ZDHHC7: variants seen among roughly 807,000 people sequenced by gnomAD.
ZDHHC7 encodes the protein zDHHC palmitoyltransferase 7.
In ZDHHC7, 12 loss-of-function variants were observed where a neutral mutation model predicts 34.1. The ratio of observed to expected loss-of-function variants is 0.35; its 90% confidence interval spans 0.23 to 0.57. The LOEUF is 0.57. Among genes scored for constraint, ZDHHC7 ranks in the 20% least tolerant of loss-of-function variants. The pLI, the probability that ZDHHC7 is intolerant of heterozygous loss-of-function variation, is 0.84. For missense variants in ZDHHC7, 388 were observed against 402.7 expected, an observed-to-expected ratio of 0.96 and a Z score of 0.31; for synonymous variants, 185 against 155.4, an observed-to-expected ratio of 1.19 and a Z score of -1.42.
chr16:84,981,355 C>A (rs909081667), intron 4 of ZDHHC7, among the ~76,000 whole-genome samples: 5 of 152,118 alleles, frequency 3.3e-5, no homozygotes, highest in Admixed American at 2.0e-4. Context: ...AACAAAACAA[C>A]AAAAAAATGA....
At chr16:85,023,327 G>A in the ZDHHC7 span, among the ~76,000 whole-genome samples, 2 of 151,988 alleles carry the variant, frequency 1.3e-5, no homozygotes, top group Non-Finnish European at 2.9e-5. Flanking sequence ...ACCATGCCTG[G>A]CTAATTTTCG....
the ZDHHC7 span, among the ~76,000 whole-genome samples, chr16:85,019,002 G>A: frequency 6.6e-6 from 1 of 152,174 alleles, no homozygotes; most frequent in Non-Finnish European, 1.5e-5. Flanking sequence ...CCTCACCTCC[G>A]CTGTAGGTGG....
intron 1 of ZDHHC7, among the ~76,000 whole-genome samples, chr16:85,005,212 C>A (rs369955978): frequency 6.6e-6 from 1 of 152,228 alleles, no homozygotes; most frequent in Admixed American, 6.5e-5. Context: ...CTCAATCAGG[C>A]TGGTATTCCC....
At chr16:84,981,752 G>T in intron 4 of ZDHHC7, 118 bp downstream of exon 4, 2 of 1,572,134 alleles carry the variant, frequency 1.3e-6, no homozygotes, top group Non-Finnish European at 1.7e-6. Context: ...CCCGTACAAC[G>T]TTGCCCAGAT....
intron 1 of ZDHHC7, among the ~76,000 whole-genome samples, chr16:85,001,332 A>G (rs1055043599): frequency 6.6e-6 from 1 of 152,058 alleles, no homozygotes; most frequent in Admixed American, 6.6e-5. Context: ...TTAGCCAGGC[A>G]TGGTGGCCAG....
chr16:84,980,407 T>G (rs189053041), intron 4 of ZDHHC7, among the ~76,000 whole-genome samples: 38 of 151,770 alleles, frequency 2.5e-4, no homozygotes, highest in African/African-American at 8.9e-4. Flanking sequence ...AGGTGGCTCA[T>G]GCCTGTAATC....
chr16:84,991,691 T>C (rs570288138), intron 2 of ZDHHC7, among the ~76,000 whole-genome samples: 45 of 151,560 alleles, frequency 3.0e-4, no homozygotes, highest in Non-Finnish European at 4.7e-4. Context: ...AGCTCACAGA[T>C]GAGGTCTGAC....
At chr16:85,019,831 G>A in the ZDHHC7 span, among the ~76,000 whole-genome samples, 1 of 152,200 alleles carries the variant, frequency 6.6e-6, no homozygotes, top group African/African-American at 2.4e-5. Flanking sequence ...GGACCAGAGA[G>A]GTTGAGCAGT....
chr16:84,996,831 A>G (rs2072584848), intron 1 of ZDHHC7, among the ~76,000 whole-genome samples: 1 of 152,122 alleles, frequency 6.6e-6, no homozygotes, highest in Non-Finnish European at 1.5e-5. Context: ...GTTCAAGACC[A>G]GCCTGGCCAA....
chr16:84,983,406 A>C (rs982376438), intron 3 of ZDHHC7, among the ~76,000 whole-genome samples: 36 of 152,236 alleles, frequency 2.4e-4, no homozygotes, highest in African/African-American at 7.5e-4. Flanking sequence ...AATTTTAGAA[A>C]GTTCAGCAGG....
At chr16:84,991,440 C>T (rs1395949149) in intron 2 of ZDHHC7, among the ~76,000 whole-genome samples, 3 of 151,538 alleles carry the variant, frequency 2.0e-5, no homozygotes. Context: ...CGCCCACCAC[C>T]ACACCTAGCT....
In ZDHHC7 at chr16:84,975,276, G is replaced by C. The variant is rs927337242; in HGVS notation, c.*1067C>G. The C allele has an allele frequency of 6.6e-6, 1 of 152,666 alleles. No individual in the cohort carries two copies. Among genetic ancestry groups the C allele is most frequent in the Non-Finnish European group, 1.5e-5 (1 of 68,098 alleles). The allele number at this position is 152,666 out of a possible 1,614,324, so 9.5% of individuals were successfully genotyped here. On this transcript the variant is annotated 3_prime_UTR_variant, in exon 8 of 8. Coordinates refer to ENST00000313732, the MANE Select transcript of ZDHHC7 (RefSeq NM_017740.3). ...CAGTCGCCCCTGCCAGGGGCTGGCT[G>C]CCTCATGGTCCCCTCCCCTTCCCAG...
intron 3 of ZDHHC7, among the ~76,000 whole-genome samples, chr16:84,989,521 C>T (rs948191984): frequency 4.2e-4 from 64 of 151,930 alleles, no homozygotes; most frequent in African/African-American, 1.5e-3. Flanking sequence ...CATGGTGAAA[C>T]CCTGTCTCTA....
chr16:85,001,387 C>T (rs920174243), intron 1 of ZDHHC7, among the ~76,000 whole-genome samples: 2 of 148,876 alleles, frequency 1.3e-5, no homozygotes, highest in African/African-American at 5.0e-5. Flanking sequence ...AGGAAAATCA[C>T]TTGAACCCTG....
At chr16:85,025,963 G>C in the ZDHHC7 span, among the ~76,000 whole-genome samples, 2 of 152,252 alleles carry the variant, frequency 1.3e-5, no homozygotes, top group Admixed American at 6.5e-5. Flanking sequence ...CCAATGTCAG[G>C]TTCACTGATC....
rs980199694 is a variant in ZDHHC7 at position 84,974,787 on chromosome 16, C to T, written c.*1556G>A. The T allele has an allele frequency of 1.3e-5, 2 of 152,674 alleles. No individual in the cohort carries two copies. Among genetic ancestry groups the T allele is most frequent in the South Asian group, 2.1e-4 (1 of 4,834 alleles). The allele number at this position is 152,674 out of a possible 1,614,324, so 9.5% of individuals were successfully genotyped here. A position where few individuals can be genotyped will look rare whatever the true frequency, so the allele number is the denominator to read the frequency against. Reference sequence around the variant, plus strand: ...CACACGCTTCTGCGGTGACCAAGTCCACTTCCAAACCCCCTGCAGGTTTGC... The same window carrying T: ...CACACGCTTCTGCGGTGACCAAGTCTACTTCCAAACCCCCTGCAGGTTTGC... On this transcript the variant is annotated 3_prime_UTR_variant, in exon 8 of 8. Coordinates refer to ENST00000313732, the MANE Select transcript of ZDHHC7 (RefSeq NM_017740.3).
chr16:84,990,667 G>C lies in ZDHHC7; in HGVS notation c.-17-32C>G, dbSNP rs187781871. 368 of 1,553,776 alleles carry C rather than the reference G, an allele frequency of 2.4e-4. 4 individuals are homozygous for C. In the East Asian group the frequency reaches 8.1e-3, roughly 34 times the overall value. Reference sequence around the variant, plus strand: ...AGGGGGACGACACAGAGCTGGTAAGGCTCAAAAAGCTCACAAGCTACCTTA... The same window carrying C: ...AGGGGGACGACACAGAGCTGGTAAGCCTCAAAAAGCTCACAAGCTACCTTA... On this transcript the variant is annotated intron_variant, in intron 2 of 7. Coordinates refer to ENST00000313732, the MANE Select transcript of ZDHHC7 (RefSeq NM_017740.3).
the ZDHHC7 span, among the ~76,000 whole-genome samples, chr16:85,016,996 G>T: frequency 6.6e-6 from 1 of 151,306 alleles, no homozygotes; most frequent in South Asian, 2.1e-4. Flanking sequence ...GGCTGGAGTG[G>T]AATGGTGTGA....
At chr16:84,985,523 T>C (rs2072425016) in intron 3 of ZDHHC7, among the ~76,000 whole-genome samples, 1 of 152,164 alleles carries the variant, frequency 6.6e-6, no homozygotes, top group Non-Finnish European at 1.5e-5. Context: ...ACTGTGTTTC[T>C]TCAACTTAAA....
Sources: gnomAD v4.1 joint callset for allele counts (sites outside exome capture counted in the v4.1 genomes callset) on GRCh38, gnomAD v4.1.1 for gene constraint, MANE v1.5 for transcripts, NCBI Gene and HGNC (gene_info 2026-07-23, HGNC 2026-07-21) for gene names.